FNDC1: variants seen among roughly 807,000 people sequenced by gnomAD.
FNDC1 encodes fibronectin type III domain containing 1, also known as fibronectin type III domain-containing protein 1.
Under a neutral mutation model 168.0 loss-of-function variants are expected in FNDC1, and 96 were observed. The ratio of observed to expected loss-of-function variants is 0.57; its 90% CI spans 0.48 to 0.68. The LOEUF (loss-of-function observed/expected upper bound fraction) is 0.68. Ranked by LOEUF, FNDC1 falls within the 30% of genes least tolerant of loss-of-function variation. The pLI, the probability that FNDC1 is intolerant of heterozygous loss-of-function variation, is 0.00. For missense variants in FNDC1, 2,587 were observed against 2,482.1 expected, an observed-to-expected ratio of 1.04 and a Z score of -0.90; for synonymous variants, 1,099 against 1,025.9, an observed-to-expected ratio of 1.07 and a Z score of -1.36.
At chr6:159,205,760 T>G (rs1782474026) in intron 4 of FNDC1, among the ~76,000 whole-genome samples, 1 of 152,226 alleles carries the variant, frequency 6.6e-6, no homozygotes, top group Non-Finnish European at 1.5e-5. Context: ...GATGCTAAGC[T>G]TTGTGAGCAG....
chr6:159,226,381 T>A (rs1173156355), intron 8 of FNDC1, 92 bp from the exon 9 acceptor site: 9 of 973,396 alleles, frequency 9.2e-6, no homozygotes, highest in Admixed American at 8.3e-5. Flanking sequence ...GTCTTCAATT[T>A]AAAAAAATGT....
At chr6:159,196,994 T>C (rs375640950) in intron 1 of FNDC1, among the ~76,000 whole-genome samples, 11 of 152,234 alleles carry the variant, frequency 7.2e-5, no homozygotes, top group East Asian at 5.8e-4. Context: ...TGGATATTTT[T>C]CTTAATCAGG....
chr6:159,187,276 G>A (rs879450819), intron 1 of FNDC1, among the ~76,000 whole-genome samples: 4 of 152,162 alleles, frequency 2.6e-5, no homozygotes, highest in Non-Finnish European at 5.9e-5. Flanking sequence ...TGTAGGACAC[G>A]ATCTGCTTCC....
chr6:159,239,635 G>A lies in FNDC1; in HGVS notation c.4299G>A (p.Pro1433=), dbSNP rs1314688437. The A allele has an allele frequency of 1.3e-5, 21 of 1,558,206 alleles. No homozygotes were observed. Among genetic ancestry groups the A allele is most frequent in the Non-Finnish European group, 1.6e-5 (18 of 1,150,270 alleles). ...DKPILSLGGK[P]LVGLEVIKKT... ...CAATTTTGAGTCTTGGAGGAAAGCC[G>A]CTGGTGGGCTTGGAGGTCATCAAAA... The change falls in exon 14 of 23, where the codon CCG becomes CCA. Residue 1433 remains proline (P), a synonymous_variant. Coordinates refer to ENST00000297267, the MANE Select transcript of FNDC1 (RefSeq NM_032532.3).
intron 4 of FNDC1, among the ~76,000 whole-genome samples, chr6:159,205,824 C>G (rs1175235264): frequency 6.6e-6 from 1 of 152,118 alleles, no homozygotes; most frequent in Non-Finnish European, 1.5e-5. Context: ...TTTTTTTACC[C>G]TACTTTGAAT....
rs1212819626 is a variant in FNDC1, at chr6:159,247,253, A to C, written c.4690+284A>C. 4.3e-5 allele frequency among the ~76,000 whole-genome samples: 6 copies of C among 140,824 alleles called. No homozygotes were observed. In the East Asian group the frequency reaches 1.2e-3, roughly 29 times the overall value. The allele number at this position is 140,824 out of a possible 152,430, so 92.4% of individuals were successfully genotyped here. A position where few individuals can be genotyped will look rare whatever the true frequency, so the allele number is the denominator to read the frequency against. ...CTCCCTCCCCACCCTCCTTGGACCC[A>C]AGGAATTCTGGAGTTATCCATCTGG... is the stretch of plus-strand genomic sequence containing the variant. On this transcript the variant is annotated intron_variant, in intron 15 of 22. Transcript: ENST00000297267.
At position 159,231,365 on chromosome 6, in the gene FNDC1, G is replaced by A. The variant is rs545391001; in HGVS notation, c.1370-517G>A. Among the ~76,000 whole-genome samples, 143 of 149,504 alleles carry A rather than the reference G, an allele frequency of 9.6e-4. 29 individuals carry two copies. Among genetic ancestry groups the A allele is most frequent in the African/African-American group, 3.3e-3 (136 of 40,910 alleles). ...AGTCCGCAGTCCGGCCTGGGCGACA[G>A]AGCGAGACTCCGTCTCAAAAAAAAA... On this transcript the variant is annotated intron_variant, in intron 10 of 22. Coordinates refer to ENST00000297267, the MANE Select transcript of FNDC1 (RefSeq NM_032532.3).
chr6:159,234,559 T>G (rs1447187863), intron 11 of FNDC1, 80 bp downstream of exon 11: 7 of 1,370,156 alleles, frequency 5.1e-6, no homozygotes, highest in Non-Finnish European at 7.1e-6. Flanking sequence ...TTTATTCTAT[T>G]GCATTTAGCA....
At chr6:159,202,505 A>C (rs1782401983) in intron 4 of FNDC1, among the ~76,000 whole-genome samples, 1 of 152,234 alleles carries the variant, frequency 6.6e-6, no homozygotes, top group Non-Finnish European at 1.5e-5. Context: ...AAAAATGCAG[A>C]CATTAGCATG....
At chr6:159,173,962 G>C (rs775507577) in intron 1 of FNDC1, among the ~76,000 whole-genome samples, 1 of 152,152 alleles carries the variant, frequency 6.6e-6, no homozygotes, top group Non-Finnish European at 1.5e-5. Flanking sequence ...CAAACATTTC[G>C]GGAGAGGCTC....
At chr6:159,205,000 G>T (rs1782458942) in intron 4 of FNDC1, among the ~76,000 whole-genome samples, 2 of 152,016 alleles carry the variant, frequency 1.3e-5, no homozygotes, top group Admixed American at 6.6e-5. Flanking sequence ...AACCCTCACT[G>T]CTCCCTGCCC....
chr6:159,217,621 G>A (rs935035926), intron 5 of FNDC1, among the ~76,000 whole-genome samples: 1 of 152,168 alleles, frequency 6.6e-6, no homozygotes, highest in African/African-American at 2.4e-5. Flanking sequence ...TCTTGGAGGA[G>A]CTCTGCTGCC....
chr6:159,260,641 C>T (rs1163187412), intron 18 of FNDC1, among the ~76,000 whole-genome samples: 1 of 152,238 alleles, frequency 6.6e-6, no homozygotes, highest in Non-Finnish European at 1.5e-5. Context: ...AAAAGGCAGC[C>T]TCCAGCCAGG....
intron 1 of FNDC1, among the ~76,000 whole-genome samples, chr6:159,177,385 T>C (rs961426964): frequency 1.4e-4 from 21 of 152,094 alleles, no homozygotes; most frequent in African/African-American, 5.1e-4. Flanking sequence ...GTCTCCTAAT[T>C]TTTCATGATC....
At chr6:159,191,085 G>C (rs181283709) in intron 1 of FNDC1, among the ~76,000 whole-genome samples, 2 of 152,180 alleles carry the variant, frequency 1.3e-5, no homozygotes, top group East Asian at 3.8e-4. Flanking sequence ...GCAAGAGAGC[G>C]AAAGGGGAGG....
At chr6:159,189,332 G>A (rs1010412096) in intron 1 of FNDC1, among the ~76,000 whole-genome samples, 2 of 152,188 alleles carry the variant, frequency 1.3e-5, no homozygotes, top group African/African-American at 4.8e-5. Context: ...AGCCTCGTGA[G>A]TAGAAAGTAC....
intron 14 of FNDC1, among the ~76,000 whole-genome samples, chr6:159,241,511 C>T (rs565757860): frequency 2.0e-5 from 3 of 152,216 alleles, no homozygotes; most frequent in East Asian, 1.9e-4. Flanking sequence ...ATTCCCTAGT[C>T]GAAGCTAAAG....
chr6:159,230,737 G>A (rs1221672504), intron 10 of FNDC1, among the ~76,000 whole-genome samples: 3 of 152,036 alleles, frequency 2.0e-5, no homozygotes, highest in Admixed American at 6.5e-5. Context: ...GGATATTGGC[G>A]GCTTTTCCTT....
chr6:159,180,025 A>G (rs893029909), intron 1 of FNDC1, among the ~76,000 whole-genome samples: 1 of 152,200 alleles, frequency 6.6e-6, no homozygotes, highest in African/African-American at 2.4e-5. Context: ...GTATTTACAC[A>G]GTATGTGAGT....
Sources: gnomAD v4.1 joint callset for allele counts (sites outside exome capture counted in the v4.1 genomes callset) on GRCh38, gnomAD v4.1.1 for gene constraint, MANE v1.5 for transcripts, NCBI Gene and HGNC (gene_info 2026-07-23, HGNC 2026-07-21) for gene names.